Variants in HPSE2 observed in about 807,000 individuals in gnomAD.
HPSE2 encodes heparanase 2 (inactive), also known as inactive heparanase-2.
In HPSE2, 38 loss-of-function variants were observed where a neutral mutation model predicts 60.5. The observed-to-expected ratio is 0.63, with a 90% CI of 0.48 to 0.82. The LOEUF (loss-of-function observed/expected upper bound fraction) is 0.82. HPSE2 is among the 40% of genes least tolerant of loss of function. The pLI is 0.00. For synonymous variants in HPSE2, 295 were observed against 293.2 expected, an observed-to-expected ratio of 1.01 and a Z score of -0.06; for missense variants, 713 against 740.4, an observed-to-expected ratio of 0.96 and a Z score of 0.43.
At chr10:98,877,593 G>GA (rs1391874636) in intron 3 of HPSE2, among the ~76,000 whole-genome samples, 1 of 151,718 alleles carries the variant, frequency 6.6e-6, no homozygotes, top group Admixed American at 6.6e-5. Flanking sequence ...AATCATAACT[G>GA]AAAAGAAATA....
At chr10:99,224,420 GACACAC>G (rs34148639) in intron 2 of HPSE2, among the ~76,000 whole-genome samples, 61 of 143,664 alleles carry the variant, frequency 4.2e-4, no homozygotes, top group African/African-American at 1.3e-3. Context: ...CTTTCTCTCT[GACACAC>G]ACACACACAC....
At chr10:99,094,003 T>A (rs1303382302) in intron 3 of HPSE2, among the ~76,000 whole-genome samples, 1 of 152,206 alleles carries the variant, frequency 6.6e-6, no homozygotes, top group African/African-American at 2.4e-5. Context: ...TTGATTTTTT[T>A]ACTCTTTCTT....
At chr10:98,901,006 GAAT>G (rs1398460926) in intron 3 of HPSE2, among the ~76,000 whole-genome samples, 1 of 152,132 alleles carries the variant, frequency 6.6e-6, no homozygotes, top group Non-Finnish European at 1.5e-5. Flanking sequence ...TCATACAGTA[GAAT>G]ACTACTCAGC....
chr10:98,816,023 G>A, intron 3 of HPSE2, among the ~76,000 whole-genome samples: 1 of 129,002 alleles, frequency 7.8e-6, no homozygotes, highest in Non-Finnish European at 1.6e-5. Context: ...ACCAGGGACT[G>A]TTGTGGGGTG....
At chr10:99,045,714 C>A (rs545029810) in intron 3 of HPSE2, among the ~76,000 whole-genome samples, 1 of 152,218 alleles carries the variant, frequency 6.6e-6, no homozygotes, top group African/African-American at 2.4e-5. Context: ...CAACTCTATA[C>A]ACACAAATTA....
At position 98,894,493 on chromosome 10, in the gene HPSE2, A is replaced by G. The variant is rs535016384; in HGVS notation, c.611-150437T>C. On this transcript the variant is annotated intron_variant, in intron 3 of 11. Transcript: ENST00000370552. ...AAAGATTAAACAGAATGGGAAAGCA[A>G]AAGTTCAGTAAAAGGTTAAACAGAA... 4.6e-5 allele frequency among the ~76,000 whole-genome samples: 7 copies of G among 152,318 alleles called. No homozygotes were observed. In the South Asian group the frequency reaches 8.3e-4, roughly 18 times the overall value.
chr10:99,109,824 G>A (rs1175234247), intron 3 of HPSE2, among the ~76,000 whole-genome samples: 1 of 152,130 alleles, frequency 6.6e-6, no homozygotes, highest in Non-Finnish European at 1.5e-5. Flanking sequence ...AATTAAGTTG[G>A]AAGAAATAAA....
intron 7 of HPSE2, among the ~76,000 whole-genome samples, chr10:98,622,461 C>T (rs961923367): frequency 2.6e-5 from 4 of 152,118 alleles, no homozygotes; most frequent in Admixed American, 2.0e-4. Context: ...CACCTGAGGG[C>T]CTTCAAAAAG....
chr10:98,514,976 G>A (rs1276698786), intron 9 of HPSE2, among the ~76,000 whole-genome samples: 9 of 151,740 alleles, frequency 5.9e-5, no homozygotes, highest in South Asian at 4.2e-4. Context: ...CGCCCGCCTC[G>A]GCCTCCCAAA....
At chr10:98,560,601 CA>C (rs1944144405) in intron 9 of HPSE2, among the ~76,000 whole-genome samples, 1 of 152,232 alleles carries the variant, frequency 6.6e-6, no homozygotes, top group Non-Finnish European at 1.5e-5. Flanking sequence ...TGGTCCACCT[CA>C]GCAGGACATT....
intron 3 of HPSE2, among the ~76,000 whole-genome samples, chr10:99,057,321 C>T (rs1229769338): frequency 6.6e-6 from 1 of 152,136 alleles, no homozygotes; most frequent in Non-Finnish European, 1.5e-5. Flanking sequence ...GCAAGTGACT[C>T]ATGTGCCTTA....
intron 9 of HPSE2, among the ~76,000 whole-genome samples, chr10:98,597,355 C>T (rs1945267632): frequency 6.6e-6 from 1 of 152,080 alleles, no homozygotes; most frequent in Non-Finnish European, 1.5e-5. Context: ...TTTGCTCCCC[C>T]TTGAACTTCT....
intron 3 of HPSE2, among the ~76,000 whole-genome samples, chr10:99,005,046 GCTT>G (rs1956860881): frequency 1.3e-5 from 2 of 152,108 alleles, no homozygotes; most frequent in South Asian, 4.1e-4. Flanking sequence ...TATGTGATCT[GCTT>G]CTTTTTCCTT....
rs970580333 is a variant in HPSE2, at chr10:98,898,745, T to A, written c.611-154689A>T. ...GAAAACTATTTAGGAGATCAGAGGATTCCAAGATGGACTGCAGAATGTAAC... is the reference window on the plus strand; with the variant it reads ...GAAAACTATTTAGGAGATCAGAGGAATCCAAGATGGACTGCAGAATGTAAC... On this transcript the variant is annotated intron_variant, in intron 3 of 11. Coordinates refer to ENST00000370552, the MANE Select transcript of HPSE2 (RefSeq NM_021828.5). 2.0e-5 allele frequency among the ~76,000 whole-genome samples: 3 copies of A among 152,190 alleles called. No homozygotes were observed. In the South Asian group the frequency reaches 6.2e-4, roughly 32 times the overall value.
At chr10:98,732,961 G>T (rs561934441) in intron 4 of HPSE2, among the ~76,000 whole-genome samples, 1 of 152,276 alleles carries the variant, frequency 6.6e-6, no homozygotes, top group Admixed American at 6.5e-5. Flanking sequence ...GCTTTGGGCT[G>T]ATATTTCACA....
intron 3 of HPSE2, among the ~76,000 whole-genome samples, chr10:99,100,425 G>T (rs1355009180): frequency 2.0e-5 from 3 of 152,184 alleles, no homozygotes; most frequent in African/African-American, 7.2e-5. Flanking sequence ...AATGAAGTGA[G>T]AAGAGAAGTT....
intron 3 of HPSE2, among the ~76,000 whole-genome samples, chr10:98,925,152 TC>T (rs771515871): frequency 1.1e-4 from 17 of 152,174 alleles, no homozygotes; most frequent in Non-Finnish European, 1.2e-4. Context: ...CCTCAATGCC[TC>T]TGTCGTTAAA....
chr10:98,630,419 G>A (rs1026720421), intron 7 of HPSE2, among the ~76,000 whole-genome samples: 11 of 151,846 alleles, frequency 7.2e-5, no homozygotes, highest in Non-Finnish European at 1.2e-4. Context: ...AGATGGTCTC[G>A]ATCTCCTGAC....
intron 7 of HPSE2, among the ~76,000 whole-genome samples, chr10:98,639,970 C>A (rs1268671280): frequency 6.6e-6 from 1 of 152,168 alleles, no homozygotes; most frequent in Admixed American, 6.5e-5. Context: ...TCTAAATATA[C>A]TAAGCACTCA....
Sources: allele counts gnomAD v4.1 joint callset (sites outside exome capture counted in the v4.1 genomes callset), GRCh38; gene constraint gnomAD v4.1.1; transcripts MANE v1.5; gene names NCBI Gene and HGNC (gene_info 2026-07-23, HGNC 2026-07-21).